RBFOX1: variants seen among roughly 807,000 people sequenced by gnomAD.
RBFOX1 encodes the protein RNA binding protein fox-1 homolog 1.
In RBFOX1, 8 loss-of-function variants were observed where a neutral mutation model predicts 57.7. The observed-to-expected ratio is 0.14, with a 90% CI of 0.08 to 0.25. The LOEUF is 0.25. Among genes scored for constraint, RBFOX1 ranks in the 10% least tolerant of loss-of-function variants. The pLI is 1.00. For missense variants in RBFOX1, 611 were observed against 548.5 expected, an observed-to-expected ratio of 1.11 and a Z score of -1.14; for synonymous variants, 326 against 222.4, an observed-to-expected ratio of 1.47 and a Z score of -4.15.
chr16:5,371,133 A>G (rs370486480), intron 1 of RBFOX1, among the ~76,000 whole-genome samples: 1 of 152,094 alleles, frequency 6.6e-6, no homozygotes, highest in South Asian at 2.1e-4. Flanking sequence ...TTTTTAGTAG[A>G]GATGAGGTTT....
chr16:5,299,499 A>G (rs894881672), intron 1 of RBFOX1, among the ~76,000 whole-genome samples: 1 of 152,226 alleles, frequency 6.6e-6, no homozygotes, highest in Non-Finnish European at 1.5e-5. Flanking sequence ...TAACTTCATG[A>G]GAAACTGTTA....
chr16:5,725,701 C>A (rs981471061), intron 3 of RBFOX1, among the ~76,000 whole-genome samples: 4 of 151,868 alleles, frequency 2.6e-5, no homozygotes, highest in African/African-American at 9.7e-5. Context: ...TCACACCTGG[C>A]ATGGGGGAAA....
At chr16:6,241,647 G>T (rs901282654) in intron 1 of RBFOX1, among the ~76,000 whole-genome samples, 1 of 152,186 alleles carries the variant, frequency 6.6e-6, no homozygotes, top group Non-Finnish European at 1.5e-5. Flanking sequence ...CAACTACAGG[G>T]TGGCCATTAC....
chr16:6,580,589 AG>A (rs1181333170), intron 2 of RBFOX1, among the ~76,000 whole-genome samples: 6 of 47,272 alleles, frequency 1.3e-4, no homozygotes, highest in Non-Finnish European at 3.0e-4. Context: ...GAAATGTCAC[AG>A]GGGGGGATGC....
Position 5,421,448 on chromosome 16 carries a change from G to C in RBFOX1, c.220-45768G>C, listed in dbSNP as rs1045688804. Among the ~76,000 whole-genome samples, 8 of 152,166 alleles carry C rather than the reference G, an allele frequency of 5.3e-5. No individual in the cohort carries two copies. In the East Asian group the frequency reaches 1.5e-3, roughly 29 times the overall value. ...GCAGCTTGGCCTTGGGGGTGTCCAC[G>C]TGCAAGTGTGGCTTTGACTTTTCCA... On this transcript the variant is annotated intron_variant, in intron 1 of 2. Coordinates refer to the RBFOX1 transcript ENST00000585867.
intron 3 of RBFOX1, among the ~76,000 whole-genome samples, chr16:7,032,095 C>G (rs958599818): frequency 6.6e-6 from 1 of 152,088 alleles, no homozygotes; most frequent in Non-Finnish European, 1.5e-5. Flanking sequence ...GTAGTGTCCC[C>G]TCTTGAGAAT....
At chr16:5,729,401 T>C (rs1345731006) in intron 3 of RBFOX1, among the ~76,000 whole-genome samples, 31 of 148,076 alleles carry the variant, frequency 2.1e-4, no homozygotes, top group Non-Finnish European at 2.5e-4. Context: ...CTTTTCTTTT[T>C]TTTTTTTTTT....
At chr16:7,350,507 G>T (rs2097108910) in intron 4 of RBFOX1, among the ~76,000 whole-genome samples, 1 of 152,188 alleles carries the variant, frequency 6.6e-6, no homozygotes, top group Admixed American at 6.5e-5. Context: ...AGAATTTCAA[G>T]TAGGAGAACA....
chr16:6,043,275 C>T lies in RBFOX1; in HGVS notation c.-127+23283C>T, dbSNP rs896866256. Among the ~76,000 whole-genome samples, 7 of 151,958 alleles carry T rather than the reference C, an allele frequency of 4.6e-5. 1 individual carries two copies. The South Asian group carries it at 6.2e-4, about 14-fold the overall frequency. ...TTGTTTTCAGATCTTAAAAGGTGTC[C>T]GTCTCCCACCGAATCTGTGCTAGAT... On this transcript the variant is annotated intron_variant, in intron 1 of 15. Transcript: ENST00000550418.
At chr16:7,449,119 G>C (rs989977126) in intron 4 of RBFOX1, among the ~76,000 whole-genome samples, 1 of 151,842 alleles carries the variant, frequency 6.6e-6, no homozygotes. Flanking sequence ...AGTAGAGACG[G>C]GGTTTCTCCA....
chr16:7,613,779 CT>C (rs1244917512), intron 10 of RBFOX1, among the ~76,000 whole-genome samples: 1 of 152,072 alleles, frequency 6.6e-6, no homozygotes, highest in Non-Finnish European at 1.5e-5. Context: ...TTTAGTCATA[CT>C]TTTAGCTGTA....
chr16:6,699,017 C>G (rs1568266008), intron 3 of RBFOX1, among the ~76,000 whole-genome samples: 2 of 152,142 alleles, frequency 1.3e-5, no homozygotes, highest in African/African-American at 4.8e-5. Context: ...TCTTGGTACA[C>G]ATTAGGTACT....
chr16:7,639,831 A>G (rs1157228619), intron 11 of RBFOX1, among the ~76,000 whole-genome samples: 1 of 152,036 alleles, frequency 6.6e-6, no homozygotes, highest in East Asian at 1.9e-4. Context: ...GTTTTCAGAC[A>G]CCTACTAGGT....
intron 1 of RBFOX1, among the ~76,000 whole-genome samples, chr16:5,398,641 T>C (rs1309720257): frequency 1.3e-5 from 2 of 151,886 alleles, no homozygotes; most frequent in African/African-American, 4.8e-5. Context: ...CTAGGCACGC[T>C]TGGAGTTGAA....
intron 3 of RBFOX1, among the ~76,000 whole-genome samples, chr16:5,747,671 G>A (rs1002455065): frequency 3.3e-5 from 5 of 152,240 alleles, no homozygotes; most frequent in East Asian, 1.9e-4. Flanking sequence ...TTGCGTAGAG[G>A]TGTTTATACT....
At chr16:7,024,989 A>C (rs1206404307) in intron 3 of RBFOX1, among the ~76,000 whole-genome samples, 1 of 152,130 alleles carries the variant, frequency 6.6e-6, no homozygotes, top group African/African-American at 2.4e-5. Context: ...GCAGAGATGA[A>C]ACTGTTACAG....
At chr16:7,098,433 G>A (rs1206309957) in intron 4 of RBFOX1, among the ~76,000 whole-genome samples, 1 of 152,168 alleles carries the variant, frequency 6.6e-6, no homozygotes, top group Non-Finnish European at 1.5e-5. Context: ...GCCTCCCAAA[G>A]TGCTGAGATT....
rs1282803190 is a variant in RBFOX1 at position 5,265,423 on chromosome 16, C to T, written c.219+25318C>T. Among the ~76,000 whole-genome samples, 8 of 152,292 alleles carry T rather than the reference C, an allele frequency of 5.3e-5. 1 individual carries two copies. Among genetic ancestry groups the T allele is most frequent in the Admixed American group, 2.0e-4 (3 of 15,298 alleles). On this transcript the variant is annotated intron_variant, in intron 1 of 2. Transcript: ENST00000585867. Reference sequence around the variant, plus strand: ...ATTCTGTACCAATTATATTAAAACACGACCAATGCTTTTGCTTTGTTGTCC... The same window carrying T: ...ATTCTGTACCAATTATATTAAAACATGACCAATGCTTTTGCTTTGTTGTCC...
chr16:7,075,951 C>G (rs1362191215), intron 4 of RBFOX1, among the ~76,000 whole-genome samples: 2 of 151,992 alleles, frequency 1.3e-5, no homozygotes, highest in East Asian at 1.9e-4. Context: ...ATGAGGCATA[C>G]TACACTTTGC....
Sources: allele counts gnomAD v4.1 joint callset (sites outside exome capture counted in the v4.1 genomes callset), GRCh38; gene constraint gnomAD v4.1.1; transcripts MANE v1.5; gene names NCBI Gene and HGNC (gene_info 2026-07-23, HGNC 2026-07-21).